NR3C1: variants seen among roughly 807,000 people sequenced by gnomAD.
NR3C1 encodes nuclear receptor subfamily 3 group C member 1, also known as glucocorticoid receptor.
Under a neutral mutation model 74.0 loss-of-function variants are expected in NR3C1, and 14 were observed. That is an observed-to-expected ratio of 0.19 (90% CI 0.12 to 0.30). The LOEUF is 0.30. Ranked by LOEUF, NR3C1 falls within the 10% of genes least tolerant of loss-of-function variation. The pLI, the probability that NR3C1 is intolerant of heterozygous loss-of-function variation, is 1.00. For missense variants in NR3C1, 695 were observed against 909.8 expected, an observed-to-expected ratio of 0.76 and a Z score of 3.04; for synonymous variants, 308 against 332.5, an observed-to-expected ratio of 0.93 and a Z score of 0.80.
At chr5:143,338,608 A>G (rs1207850859) in intron 2 of NR3C1, among the ~76,000 whole-genome samples, 3 of 152,246 alleles carry the variant, frequency 2.0e-5, no homozygotes, top group South Asian at 4.1e-4. Context: ...CTTACAGAAG[A>G]AGGACATAAA....
intron 7 of NR3C1, among the ~76,000 whole-genome samples, chr5:143,286,095 A>G (rs1177327877): frequency 6.6e-6 from 1 of 152,128 alleles, no homozygotes; most frequent in African/African-American, 2.4e-5. Flanking sequence ...TTAACTTTAT[A>G]CCAATAAATT....
intron 2 of NR3C1, among the ~76,000 whole-genome samples, chr5:143,320,934 C>T (rs33389): frequency 0.14 from 21,045 of 152,032 alleles, 1,609 homozygotes; most frequent in Non-Finnish European, 0.16. Context: ...TTAGGGGATG[C>T]GAGTTTTAAG....
chr5:143,339,287 G>A (rs1827765443), intron 2 of NR3C1, among the ~76,000 whole-genome samples: 1 of 152,080 alleles, frequency 6.6e-6, no homozygotes, highest in Non-Finnish European at 1.5e-5. Context: ...GAAACAGATA[G>A]CATGACCTCC....
rs189248591 is a variant in NR3C1, at chr5:143,433,514, G to T, written c.-14+1018C>A. Reference sequence around the variant, plus strand: ...GGGCAAATAAAGGCAGAATGTCCAAGACAAGGTTGTTTACCTTGGCTGTTA... The same window carrying T: ...GGGCAAATAAAGGCAGAATGTCCAATACAAGGTTGTTTACCTTGGCTGTTA... On this transcript the variant is annotated intron_variant, in intron 1 of 8. Transcript: ENST00000343796. Among the ~76,000 whole-genome samples, 25 of 60,944 alleles carry T rather than the reference G, an allele frequency of 4.1e-4. No individual in the cohort carries two copies. In the South Asian group the frequency reaches 7.3e-3, roughly 18 times the overall value. 40.0% of individuals were successfully genotyped at this position (60,944 alleles called of 152,430 possible).
chr5:143,392,989 A>G (rs1838545507), intron 2 of NR3C1, among the ~76,000 whole-genome samples: 1 of 152,104 alleles, frequency 6.6e-6, no homozygotes, highest in African/African-American at 2.4e-5. Context: ...TTACCTCAAC[A>G]CTTTCTATGG....
At chr5:143,404,161 G>A (rs1291663383), upstream of NR3C1, 1 of 985,512 alleles carries the variant, frequency 1.0e-6, no homozygotes, top group Non-Finnish European at 1.2e-6. Context: ...CGGGCCACAA[G>A]AGCCGGGGCG....
rs1045093113 is a variant in NR3C1, at chr5:143,288,998, G to GGAGGCT, written c.2024-6279_2024-6274dup. On this transcript the variant is annotated intron_variant, in intron 7 of 8. Transcript: ENST00000394464. ...TGGGTGCCTGCAATCCCACTGCTGG[G>GGAGGCT]GAGGCTGAGGCTGCGATGAGCCAAG... Among the ~76,000 whole-genome samples, 18 of 151,466 alleles carry GGAGGCT rather than the reference G, an allele frequency of 1.2e-4. 1 individual carries two copies. The highest frequency in any genetic ancestry group is 4.4e-4 in the African/African-American group (18 of 41,286).
chr5:143,366,527 C>T (rs1382687437), intron 2 of NR3C1, among the ~76,000 whole-genome samples: 1 of 147,512 alleles, frequency 6.8e-6, no homozygotes, highest in African/African-American at 2.5e-5. Context: ...AAAAAAAAAG[C>T]TGTTCCCCTG....
At chr5:143,393,390 G>A (rs1033754390) in intron 2 of NR3C1, among the ~76,000 whole-genome samples, 1 of 152,130 alleles carries the variant, frequency 6.6e-6, no homozygotes, top group South Asian at 2.1e-4. Flanking sequence ...AAACACAGTT[G>A]TAAAGAAAGT....
chr5:143,338,445 G>A (rs542833113), intron 2 of NR3C1, among the ~76,000 whole-genome samples: 1 of 151,258 alleles, frequency 6.6e-6, no homozygotes, highest in Non-Finnish European at 1.5e-5. Flanking sequence ...CTCTGTGTTT[G>A]TTATTGCCCC....
intron 2 of NR3C1, among the ~76,000 whole-genome samples, chr5:143,329,287 G>A (rs33382): frequency 0.15 from 22,653 of 152,012 alleles, 1,864 homozygotes; most frequent in African/African-American, 0.18. Context: ...ACACTATCAC[G>A]AGAACAGCAT....
At position 143,295,120 on chromosome 5, in the gene NR3C1, G is replaced by T. The variant is rs568071312; in HGVS notation, c.2023+340C>A. ...CTAAAATTTTTAACCAAATAACAGT[G>T]TAGTGGACAAAATCACTGTAGTTAG... On this transcript the variant is annotated intron_variant, in intron 7 of 8. Coordinates refer to ENST00000394464, the MANE Select transcript of NR3C1 (RefSeq NM_000176.3). 7.3e-5 allele frequency: 72 copies of T among 985,286 alleles called. No individual in the cohort carries two copies. In the African/African-American group the frequency reaches 1.2e-3, roughly 16 times the overall value. The allele number at this position is 985,286 out of a possible 1,614,324, so 61.0% of individuals were successfully genotyped here.
chr5:143,434,043 G>T (rs1361631217), intron 1 of NR3C1, among the ~76,000 whole-genome samples: 1 of 152,108 alleles, frequency 6.6e-6, no homozygotes, highest in African/African-American at 2.4e-5. Context: ...CCTGCCCCTT[G>T]AGTCTTCCAG....
chr5:143,313,405 C>T (rs1821386583), intron 3 of NR3C1, among the ~76,000 whole-genome samples: 2 of 151,892 alleles, frequency 1.3e-5, no homozygotes, highest in Non-Finnish European at 1.5e-5. Context: ...CCGAGTTTCT[C>T]TCTCCCTCAT....
chr5:143,284,430 T>A (rs1048995451), intron 7 of NR3C1, among the ~76,000 whole-genome samples: 2 of 149,276 alleles, frequency 1.3e-5, no homozygotes, highest in African/African-American at 4.9e-5. Flanking sequence ...TAATCAGGAG[T>A]GATAACGGCA....
At position 143,295,593 on chromosome 5, in the gene NR3C1, G is replaced by A. The variant is rs1249743000; in HGVS notation, c.1893-3C>T. 1.2e-6 allele frequency: 2 copies of A among 1,608,948 alleles called. No individual in the cohort carries two copies. Among genetic ancestry groups the A allele is most frequent in the Admixed American group, 1.7e-5 (1 of 59,946 alleles). ...TGCAGGGTAGAGTCATTCTCTGCCT[G>A]TGAAAGATAAATAGCAGGGTATTAG... On this transcript the variant is annotated splice_region_variant and splice_polypyrimidine_tract_variant and intron_variant, in intron 6 of 8. Coordinates refer to ENST00000394464, the MANE Select transcript of NR3C1 (RefSeq NM_000176.3).
chr5:143,311,035 C>A (rs556521084), intron 3 of NR3C1, among the ~76,000 whole-genome samples: 2 of 152,148 alleles, frequency 1.3e-5, no homozygotes, highest in Non-Finnish European at 2.9e-5. Context: ...AAAGAATAGG[C>A]CACAAAATTG....
intron 2 of NR3C1, among the ~76,000 whole-genome samples, chr5:143,351,230 G>A (rs1294504174): frequency 2.0e-5 from 3 of 152,016 alleles, no homozygotes; most frequent in Non-Finnish European, 2.9e-5. Context: ...TATTTCTAAG[G>A]TACAGCTTAG....
At chr5:143,412,856 A>G (rs1465957189) in intron 1 of NR3C1, among the ~76,000 whole-genome samples, 1 of 152,216 alleles carries the variant, frequency 6.6e-6, no homozygotes, top group Non-Finnish European at 1.5e-5. Flanking sequence ...CCAATGACTA[A>G]CACTTTGAGG....
Sources: allele counts gnomAD v4.1 joint callset (sites outside exome capture counted in the v4.1 genomes callset), GRCh38; gene constraint gnomAD v4.1.1; transcripts MANE v1.5; gene names NCBI Gene and HGNC (gene_info 2026-07-23, HGNC 2026-07-21).